Variants in RAPGEF1 observed in about 807,000 individuals in gnomAD.
RAPGEF1 encodes the protein CRK SH3-binding GNRP.
A neutral mutation model predicts 143.3 loss-of-function variants in RAPGEF1; 33 were observed. The observed-to-expected ratio is 0.23, with a 90% CI of 0.17 to 0.31. The LOEUF is 0.31. Among genes scored for constraint, RAPGEF1 ranks in the 10% least tolerant of loss-of-function variants. The probability of loss-of-function intolerance (pLI) is 1.00; values close to 1 mark genes in which losing one functional copy is unlikely to be tolerated. For synonymous variants in RAPGEF1, 629 were observed against 676.5 expected (o/e 0.93, Z 1.09); for missense variants, 1,199 against 1,645.4 (o/e 0.73, Z 4.69).
chr9:131,595,644 A>T (rs532530807), intron 17 of RAPGEF1, among the ~76,000 whole-genome samples: 31 of 152,108 alleles, frequency 2.0e-4, no homozygotes, highest in Non-Finnish European at 4.3e-4. Context: ...TGCTGTGGCC[A>T]TGCCCCATCA....
At chr9:131,588,230 C>T (rs918910403) in intron 20 of RAPGEF1, among the ~76,000 whole-genome samples, 1 of 152,254 alleles carries the variant, frequency 6.6e-6, no homozygotes, top group African/African-American at 2.4e-5. Context: ...GTCTGCCTTT[C>T]TCTCCTGCTT....
intron 12 of RAPGEF1, among the ~76,000 whole-genome samples, chr9:131,615,141 C>G (rs1055131068): frequency 6.6e-6 from 1 of 152,138 alleles, no homozygotes; most frequent in Non-Finnish European, 1.5e-5. Context: ...GGCGCGATCT[C>G]CACTCACCGC....
chr9:131,579,678 G>C (rs745926618), intron 26 of RAPGEF1, 31 bp from the exon 27 acceptor site: 4 of 1,609,332 alleles, frequency 2.5e-6, no homozygotes, highest in Non-Finnish European at 3.4e-6. Context: ...CAGTCAGTGA[G>C]CACCTGTGTG....
intron 22 of RAPGEF1, among the ~76,000 whole-genome samples, chr9:131,587,201 C>T (rs1218792269): frequency 7.7e-6 from 1 of 130,118 alleles, no homozygotes; most frequent in Admixed American, 7.4e-5. Context: ...CACACACCTG[C>T]AGAGCGAGAC....
intron 1 of RAPGEF1, among the ~76,000 whole-genome samples, chr9:131,739,520 G>C (rs534192515): frequency 2.0e-5 from 3 of 151,422 alleles, no homozygotes; most frequent in Non-Finnish European, 2.9e-5. Context: ...TAGCGCGCCC[G>C]GCCCCGGGTT....
At chr9:131,645,797 T>C (rs531947608) in intron 3 of RAPGEF1, among the ~76,000 whole-genome samples, 41 of 152,228 alleles carry the variant, frequency 2.7e-4, no homozygotes, top group Non-Finnish European at 7.3e-5. Context: ...TTGCCATCAT[T>C]GGTCCACATA....
At chr9:131,623,871 G>A (rs558581109) in intron 10 of RAPGEF1, among the ~76,000 whole-genome samples, 1 of 152,348 alleles carries the variant, frequency 6.6e-6, no homozygotes, top group South Asian at 2.1e-4. Context: ...TAGCCACGCG[G>A]CCAGGGTGAT....
chr9:131,621,685 G>T lies in RAPGEF1; in HGVS notation c.1905+111C>A. On this transcript the variant is annotated intron_variant, in intron 11 of 26. Transcript: ENST00000683357. This position sits in a 1 kb window ranked among gnomAD's most constrained non-coding sequence, Gnocchi z 4.5. ...GGTGCCTTCCACGCCCAAAACCAGG[G>T]CCCTGCCACAGCAGGGAGGAGGGTT... 1.8e-6 allele frequency: 2 copies of T among 1,126,242 alleles called. No individual in the cohort carries two copies. The highest frequency in any genetic ancestry group is 2.5e-6 in the Non-Finnish European group (2 of 791,430). 69.8% of individuals were successfully genotyped at this position (1,126,242 alleles called of 1,614,324 possible).
chr9:131,717,797 G>T (rs1835964500), intron 1 of RAPGEF1, among the ~76,000 whole-genome samples: 1 of 149,552 alleles, frequency 6.7e-6, no homozygotes, highest in Admixed American at 6.7e-5. Flanking sequence ...ATTTAAAGGG[G>T]GAAAAAGAGC....
At chr9:131,660,031 G>T (rs1418529457) in intron 1 of RAPGEF1, among the ~76,000 whole-genome samples, 2 of 152,204 alleles carry the variant, frequency 1.3e-5, no homozygotes, top group Non-Finnish European at 2.9e-5. Flanking sequence ...TGTTAGCCAG[G>T]ATGGTCTCGA....
chr9:131,651,001 G>A (rs1564624771), intron 1 of RAPGEF1, 52 bp from the exon 2 acceptor site: 1 of 1,577,036 alleles, frequency 6.3e-7, no homozygotes, highest in Non-Finnish European at 8.6e-7. Flanking sequence ...AGAAGCGATG[G>A]TTCATTGACC....
chr9:131,665,944 AC>A (rs1276240649), intron 1 of RAPGEF1, among the ~76,000 whole-genome samples: 1 of 152,186 alleles, frequency 6.6e-6, no homozygotes, highest in Non-Finnish European at 1.5e-5. Context: ...GTCCTTTGAG[AC>A]CCCAATGAGA....
intron 1 of RAPGEF1, among the ~76,000 whole-genome samples, chr9:131,689,783 C>A (rs182660744): frequency 9.2e-5 from 14 of 152,330 alleles, no homozygotes; most frequent in Non-Finnish European, 1.3e-4. Flanking sequence ...GGCAATCCGA[C>A]CGCCTCGGCC....
At chr9:131,729,969 C>A (rs940580545) in intron 1 of RAPGEF1, among the ~76,000 whole-genome samples, 2 of 151,710 alleles carry the variant, frequency 1.3e-5, no homozygotes, top group South Asian at 2.1e-4. Flanking sequence ...CCGAGGCGGG[C>A]AGATCACGAG....
intron 1 of RAPGEF1, among the ~76,000 whole-genome samples, chr9:131,711,689 T>C (rs1835521439): frequency 6.6e-6 from 1 of 152,144 alleles, no homozygotes; most frequent in African/African-American, 2.4e-5. Context: ...AGACGGAAAA[T>C]ACATTAGCTT....
intron 1 of RAPGEF1, among the ~76,000 whole-genome samples, chr9:131,664,252 T>G (rs1440878751): frequency 6.6e-6 from 1 of 152,168 alleles, no homozygotes; most frequent in Non-Finnish European, 1.5e-5. Context: ...GGAAATCAGC[T>G]TGGAATCTGC....
intron 22 of RAPGEF1, 71 bp downstream of exon 22, chr9:131,587,665 A>G: frequency 3.6e-6 from 5 of 1,406,092 alleles, no homozygotes; most frequent in Non-Finnish European, 5.0e-6. Context: ...CTCCCTGCAA[A>G]GGAAAACGCA....
intron 12 of RAPGEF1, among the ~76,000 whole-genome samples, chr9:131,614,397 C>T (rs980763729): frequency 1.3e-5 from 2 of 152,250 alleles, no homozygotes; most frequent in African/African-American, 2.4e-5. Context: ...CGTTTTCCTC[C>T]TCCTCTCCTC....
intron 1 of RAPGEF1, among the ~76,000 whole-genome samples, chr9:131,718,738 A>G (rs538778397): frequency 5.9e-4 from 90 of 152,276 alleles, no homozygotes; most frequent in Non-Finnish European, 1.1e-3. Flanking sequence ...AGTGAAGGGG[A>G]GAACCAAGAG....
Sources: allele counts gnomAD v4.1 joint callset (sites outside exome capture counted in the v4.1 genomes callset), GRCh38; gene constraint gnomAD v4.1.1; non-coding constraint Gnocchi (gnomAD v3.1); transcripts MANE v1.5; gene names NCBI Gene and HGNC (gene_info 2026-07-23, HGNC 2026-07-21).